ERG28: variants seen among roughly 807,000 people sequenced by gnomAD.
ERG28 encodes ergosterol biosynthetic protein 28 homolog.
Under a neutral mutation model 15.7 loss-of-function variants are expected in ERG28, and 9 were observed. The observed-to-expected ratio is 0.57, with a 90% CI of 0.35 to 1.00. ERG28 has a LOEUF of 1.00. ERG28 is among the 50% of genes least tolerant of loss of function. ERG28 has a pLI of 0.02. For synonymous variants in ERG28, 61 were observed against 68.4 expected, an observed-to-expected ratio of 0.89 and a Z score of 0.53; for missense variants, 117 against 173.3, an observed-to-expected ratio of 0.68 and a Z score of 1.82.
chr14:75,659,639 C>A (rs1253010572), intron 1 of ERG28, among the ~76,000 whole-genome samples: 6 of 150,580 alleles, frequency 4.0e-5, no homozygotes, highest in African/African-American at 9.8e-5. Flanking sequence ...TAAATAAAAC[C>A]AAAATAGATA....
In ERG28 at chr14:75,652,021, T is replaced by C. The variant is rs1056095593; in HGVS notation, c.225-132A>G. The C allele has an allele frequency of 1.6e-5, 12 of 768,504 alleles. No individual in the cohort carries two copies. The African/African-American group carries it at 1.9e-4, about 12-fold the overall frequency. The allele number at this position is 768,504 out of a possible 1,614,324, so 47.6% of individuals were successfully genotyped here. On this transcript the variant is annotated intron_variant, in intron 3 of 4. Transcript: ENST00000256319. ...ACTTAAAAGAAAGGACACTTGTTCC[T>C]GAGGAAGAGCTGGTTATTTGATCAC...
intron 1 of ERG28, among the ~76,000 whole-genome samples, chr14:75,659,962 A>G (rs2140067154): frequency 6.6e-6 from 1 of 151,862 alleles, no homozygotes. Context: ...GCTGGATCAC[A>G]AAGGTGGTCT....
intron 1 of ERG28, among the ~76,000 whole-genome samples, chr14:75,657,939 A>G (rs924648536): frequency 6.6e-5 from 10 of 152,202 alleles, no homozygotes; most frequent in African/African-American, 2.4e-4. Flanking sequence ...CACTATTTAC[A>G]TCCCTAGGTT....
chr14:75,659,809 T>C (rs2140066931), intron 1 of ERG28, among the ~76,000 whole-genome samples: 1 of 152,192 alleles, frequency 6.6e-6, no homozygotes, highest in South Asian at 2.1e-4. Flanking sequence ...TGTTCTCTGC[T>C]ACCCAGTGGG....
chr14:75,659,563 C>T (rs1402341163), intron 1 of ERG28, among the ~76,000 whole-genome samples: 5 of 138,090 alleles, frequency 3.6e-5, no homozygotes, highest in Admixed American at 1.4e-4. Context: ...AGCACCCAGC[C>T]TTTTTTTTTT....
In ERG28 at chr14:75,654,921, A is replaced by G; in HGVS notation, c.189T>C (p.Ile63=). ...GAATGTCAATGGCACAGAGGCAGCG[A>G]ATCACTGATGAGAGCAGCGTCCAGA... ...FGIWTLLSSV[I]RCLCAIDIHN... is the part of the protein sequence containing the mutation. The change falls in exon 3 of 5, where the codon ATT becomes ATC. Residue 63 remains isoleucine, a synonymous_variant. Coordinates refer to ENST00000256319, the MANE Select transcript of ERG28 (RefSeq NM_007176.4). 1 of 1,614,144 alleles carries G rather than the reference A, an allele frequency of 6.2e-7. No individual in the cohort carries two copies. The highest frequency in any genetic ancestry group is 2.2e-5 in the East Asian group (1 of 44,892).
At chr14:75,656,279 AACACACACACACACACACAC>A (rs34053718) in intron 2 of ERG28, among the ~76,000 whole-genome samples, 9 of 135,984 alleles carry the variant, frequency 6.6e-5, no homozygotes, top group East Asian at 2.2e-4. Context: ...GTGCTGGCTG[AACACACACACACACACACAC>A]ACACACACAC....
chr14:75,653,347 G>A (rs933272866), intron 3 of ERG28, among the ~76,000 whole-genome samples: 1 of 151,708 alleles, frequency 6.6e-6, no homozygotes, highest in Non-Finnish European at 1.5e-5. Flanking sequence ...GCTGAAGCCT[G>A]TAATCCCAGC....
rs1890525578 is a variant in ERG28 at position 75,651,495 on chromosome 14, CGAAG to C, written c.*56_*59del. Reference sequence around the variant, plus strand: ...AAAAGAAATTAAAGAGGAGAGACGACGAAGGAAGAAGATGGCCAAGGTGGAAAAC... The same window carrying C: ...AAAAGAAATTAAAGAGGAGAGACGACGAAGAAGATGGCCAAGGTGGAAAAC... On this transcript the variant is annotated 3_prime_UTR_variant, in exon 5 of 5. Transcript: ENST00000256319. 6.7e-7 allele frequency: 1 copy of C among 1,483,306 alleles called. No homozygotes were observed. The highest frequency in any genetic ancestry group is 9.3e-7 in the Non-Finnish European group (1 of 1,070,750). The allele number at this position is 1,483,306 out of a possible 1,614,324, so 91.9% of individuals were successfully genotyped here.
At chr14:75,652,727 T>A (rs1890542892) in intron 3 of ERG28, among the ~76,000 whole-genome samples, 1 of 152,120 alleles carries the variant, frequency 6.6e-6, no homozygotes, top group South Asian at 2.1e-4. Context: ...CTGTGTATAC[T>A]TATCCTGCTC....
intron 3 of ERG28, 67 bp downstream of exon 3, chr14:75,654,819 G>A: frequency 1.4e-6 from 2 of 1,469,118 alleles, no homozygotes; most frequent in Non-Finnish European, 1.9e-6. Context: ...ATTACTCAAG[G>A]TAACAGGTAT....
At chr14:75,659,984 CAG>C (rs1890659898) in intron 1 of ERG28, among the ~76,000 whole-genome samples, 2 of 151,218 alleles carry the variant, frequency 1.3e-5, no homozygotes, top group South Asian at 4.2e-4. Context: ...TGTCGAAGAT[CAG>C]AGAGACTGAG....
chr14:75,655,221 C>T (rs1324962406), intron 2 of ERG28, among the ~76,000 whole-genome samples: 2 of 152,302 alleles, frequency 1.3e-5, no homozygotes, highest in Non-Finnish European at 2.9e-5. Flanking sequence ...GAGTGGAAAC[C>T]CACAAAGAGC....
At chr14:75,656,268 C>T (rs1004348823) in intron 2 of ERG28, among the ~76,000 whole-genome samples, 7 of 140,100 alleles carry the variant, frequency 5.0e-5, no homozygotes, top group African/African-American at 7.8e-5. Context: ...CCTCAGCTTC[C>T]GTGCTGGCTG....
Position 75,651,145 on chromosome 14 carries a change from C to T in ERG28, c.*410G>A, listed in dbSNP as rs1890519513. ...AACCCCTTGAGGCAGCCCTTGGTCA[C>T]AGCTGCTCTGGGTGGGCAGCAGGTT... On this transcript the variant is annotated 3_prime_UTR_variant, in exon 5 of 5. Coordinates refer to ENST00000256319, the MANE Select transcript of ERG28 (RefSeq NM_007176.4). The T allele has an allele frequency of 6.0e-6, 1 of 166,242 alleles. No individual in the cohort carries two copies. The highest frequency in any genetic ancestry group is 1.3e-5 in the Non-Finnish European group (1 of 75,152). The allele number at this position is 166,242 out of a possible 1,614,324, so 10.3% of individuals were successfully genotyped here. A position where few individuals can be genotyped will look rare whatever the true frequency, so the allele number is the denominator to read the frequency against.
At chr14:75,655,114 T>C in intron 2 of ERG28, 138 bp from the exon 3 acceptor site, 1 of 736,836 alleles carries the variant, frequency 1.4e-6, no homozygotes, top group Non-Finnish European at 2.4e-6. Context: ...ATGGAGGTCC[T>C]AGTGGCAACA....
At chr14:75,657,600 G>T in intron 1 of ERG28, 67 bp from the exon 2 acceptor site, 2 of 1,457,330 alleles carry the variant, frequency 1.4e-6, no homozygotes, top group Non-Finnish European at 1.9e-6. Context: ...AGCAGGAAGG[G>T]AGGAAGAATG....
Position 75,651,275 on chromosome 14 carries a change from G to T in ERG28, c.*280C>A. The T allele has an allele frequency of 3.6e-6, 1 of 280,336 alleles. No homozygotes were observed. Among genetic ancestry groups the T allele is most frequent in the Non-Finnish European group, 6.8e-6 (1 of 147,990 alleles). The allele number at this position is 280,336 out of a possible 1,614,324, so 17.4% of individuals were successfully genotyped here. A position where few individuals can be genotyped will look rare whatever the true frequency, so the allele number is the denominator to read the frequency against. Reference sequence around the variant, plus strand: ...AAAAGGGAGCCTGGAAGAGGTTGCAGGTAGGGGAAGGAGACACAGTGGGCT... The same window carrying T: ...AAAAGGGAGCCTGGAAGAGGTTGCATGTAGGGGAAGGAGACACAGTGGGCT... On this transcript the variant is annotated 3_prime_UTR_variant, in exon 5 of 5. Transcript: ENST00000256319.
chr14:75,657,037 T>TA (rs1566802871), intron 2 of ERG28, among the ~76,000 whole-genome samples: 2 of 146,504 alleles, frequency 1.4e-5, no homozygotes, highest in African/African-American at 2.6e-5. Context: ...TTTTTTTTTT[T>TA]AAATACATGA....
Sources: allele counts gnomAD v4.1 joint callset (sites outside exome capture counted in the v4.1 genomes callset), GRCh38; gene constraint gnomAD v4.1.1; transcripts MANE v1.5; gene names NCBI Gene and HGNC (gene_info 2026-07-23, HGNC 2026-07-21).